The following GPR158 variants were observed in gnomAD, a reference collection of about 807,000 sequenced individuals.
GPR158 encodes the protein G protein-coupled receptor 158.
Under a neutral mutation model 78.2 loss-of-function variants are expected in GPR158, and 30 were observed. The ratio of observed to expected loss-of-function variants is 0.38; its 90% confidence interval spans 0.29 to 0.52. The LOEUF (loss-of-function observed/expected upper bound fraction) is 0.52. Ranked by LOEUF, GPR158 falls within the 20% of genes least tolerant of loss-of-function variation. GPR158 has a pLI of 0.83. For missense variants in GPR158, 1,463 were observed against 1,523.5 expected (o/e 0.96, Z 0.66); for synonymous variants, 581 against 591.1 (o/e 0.98, Z 0.25).
In GPR158 at chr10:25,526,686, G is replaced by C. The variant is rs190356338; in HGVS notation, c.1405-24290G>C. On this transcript the variant is annotated intron_variant, in intron 5 of 10. Transcript: ENST00000376351. ...GCTTCCTCTGTAAAGCTGGGGTTCA[G>C]ACCTTGTTGCAGAAGGTATGTTTGC... Among the ~76,000 whole-genome samples, 318 of 152,350 alleles carry C rather than the reference G, an allele frequency of 2.1e-3. 3 individuals are homozygous for C. The highest frequency in any genetic ancestry group is 7.4e-3 in the African/African-American group (306 of 41,588).
chr10:25,414,085 A>G (rs1376151250), intron 4 of GPR158, among the ~76,000 whole-genome samples: 1 of 152,204 alleles, frequency 6.6e-6, no homozygotes, highest in Non-Finnish European at 1.5e-5. Context: ...ATTAATTTAT[A>G]TGGTAGATAA....
chr10:25,450,122 TA>T (rs1242502002), intron 4 of GPR158, among the ~76,000 whole-genome samples: 3 of 152,054 alleles, frequency 2.0e-5, no homozygotes, highest in Non-Finnish European at 4.4e-5. Context: ...CAATGAAACT[TA>T]GACCTGAGGA....
intron 4 of GPR158, among the ~76,000 whole-genome samples, chr10:25,451,748 G>A (rs756214115): frequency 6.6e-6 from 1 of 152,134 alleles, no homozygotes; most frequent in Non-Finnish European, 1.5e-5. Flanking sequence ...GGTTAAATGT[G>A]TTTTGTGGGG....
chr10:25,311,828 A>T (rs1564418548), intron 2 of GPR158, among the ~76,000 whole-genome samples: 1 of 151,688 alleles, frequency 6.6e-6, no homozygotes, highest in Non-Finnish European at 1.5e-5. Context: ...ACAGTTAAGA[A>T]TTTTTTTAAC....
chr10:25,358,089 G>T (rs34784889), intron 2 of GPR158, among the ~76,000 whole-genome samples: 15,177 of 152,072 alleles, frequency 0.1, 1,876 homozygotes, highest in African/African-American at 0.3. Flanking sequence ...ATTTCAGACT[G>T]GCATGGGGCC....
intron 1 of GPR158, among the ~76,000 whole-genome samples, chr10:25,191,830 T>G (rs2130643105): frequency 6.6e-6 from 1 of 152,276 alleles, no homozygotes; most frequent in South Asian, 2.1e-4. Context: ...GAGAAATCAC[T>G]TGGCTGTATA....
chr10:25,503,874 G>T (rs1356507657), intron 5 of GPR158, among the ~76,000 whole-genome samples: 3 of 150,000 alleles, frequency 2.0e-5, no homozygotes, highest in Non-Finnish European at 4.4e-5. Context: ...CCCTTCATTT[G>T]GTTTCAACTC....
intron 5 of GPR158, among the ~76,000 whole-genome samples, chr10:25,517,511 T>C (rs1162470401): frequency 6.6e-6 from 1 of 152,104 alleles, no homozygotes; most frequent in Non-Finnish European, 1.5e-5. Flanking sequence ...TGTGGGTTTG[T>C]CATAGACAGC....
At chr10:25,530,927 CCTTCTACTTTG>C (rs112281096) in intron 5 of GPR158, among the ~76,000 whole-genome samples, 13,931 of 152,188 alleles carry the variant, frequency 0.092, 826 homozygotes, top group African/African-American at 0.16. Flanking sequence ...TATTTTCTTC[CCTTCTACTTTG>C]CATCAAAACT....
chr10:25,253,815 T>C (rs1853850367), intron 2 of GPR158, among the ~76,000 whole-genome samples: 1 of 152,146 alleles, frequency 6.6e-6, no homozygotes, highest in Non-Finnish European at 1.5e-5. Flanking sequence ...TCGAAGAAAA[T>C]TATAAAATTT....
intron 4 of GPR158, among the ~76,000 whole-genome samples, chr10:25,454,627 T>C (rs1835266827): frequency 6.6e-6 from 1 of 152,126 alleles, no homozygotes; most frequent in South Asian, 2.1e-4. Flanking sequence ...AGAACAGTGA[T>C]TTCATTTACA....
chr10:25,472,639 T>C (rs888522666), intron 5 of GPR158, among the ~76,000 whole-genome samples: 2 of 152,194 alleles, frequency 1.3e-5, no homozygotes, highest in Non-Finnish European at 2.9e-5. Flanking sequence ...TTTATTTCCT[T>C]GAGCAGCGGT....
At chr10:25,205,442 C>T (rs910666050) in intron 1 of GPR158, among the ~76,000 whole-genome samples, 2 of 150,988 alleles carry the variant, frequency 1.3e-5, no homozygotes, top group African/African-American at 4.9e-5. Flanking sequence ...TTTGTTTGCT[C>T]TTGTTTCTGT....
In GPR158 at chr10:25,502,027, A is replaced by C. The variant is rs145803642; in HGVS notation, c.1404+35308A>C. Among the ~76,000 whole-genome samples, 568 of 152,220 alleles carry C rather than the reference A, an allele frequency of 3.7e-3. 6 individuals carry two copies. The highest frequency in any genetic ancestry group is 0.013 in the African/African-American group (542 of 41,542). On this transcript the variant is annotated intron_variant, in intron 5 of 10. Coordinates refer to ENST00000376351, the MANE Select transcript of GPR158 (RefSeq NM_020752.3). ...TCTATAACGCTTCTGCCTCCAAAGC[A>C]AATCTGCTACTCTCCTCCTGGGTGC...
intron 4 of GPR158, among the ~76,000 whole-genome samples, chr10:25,449,875 C>T (rs906977551): frequency 6.6e-6 from 1 of 152,022 alleles, no homozygotes; most frequent in Admixed American, 6.6e-5. Context: ...TATCCCAATA[C>T]ACCCAGTTAT....
rs549099324 is a variant in GPR158, at chr10:25,190,227, C to G, written c.902+13905C>G. 2.0e-5 allele frequency among the ~76,000 whole-genome samples: 3 copies of G among 152,152 alleles called. No individual in the cohort carries two copies. In the East Asian group the frequency reaches 5.8e-4, roughly 29 times the overall value. On this transcript the variant is annotated intron_variant, in intron 1 of 10. Transcript: ENST00000376351. ...ATGTATTTTTTAAATATTCCGTTTG[C>G]CATTTTAACTTATTGATTCAACTAG... is the stretch of plus-strand genomic sequence containing the variant.
chr10:25,287,398 T>C (rs1046660334), intron 2 of GPR158, among the ~76,000 whole-genome samples: 2 of 152,122 alleles, frequency 1.3e-5, no homozygotes, highest in African/African-American at 4.8e-5. Flanking sequence ...AGTCTTTTTT[T>C]ATTATCCCCC....
intron 6 of GPR158, among the ~76,000 whole-genome samples, chr10:25,554,732 G>T (rs1486007220): frequency 6.6e-6 from 1 of 152,140 alleles, no homozygotes; most frequent in African/African-American, 2.4e-5. Flanking sequence ...AACAAATACA[G>T]TTGCACCAAG....
intron 4 of GPR158, among the ~76,000 whole-genome samples, chr10:25,413,649 T>C (rs1244575152): frequency 6.6e-6 from 1 of 151,962 alleles, no homozygotes; most frequent in African/African-American, 2.4e-5. Flanking sequence ...CATTAGAAAT[T>C]AAAAAAAATA....
Sources: gnomAD v4.1 joint callset for allele counts (sites outside exome capture counted in the v4.1 genomes callset) on GRCh38, gnomAD v4.1.1 for gene constraint, MANE v1.5 for transcripts, NCBI Gene and HGNC (gene_info 2026-07-23, HGNC 2026-07-21) for gene names.